Variants in ATP9A observed in about 807,000 individuals in gnomAD.
The protein encoded by ATP9A is probable phospholipid-transporting ATPase IIA.
In ATP9A, 52 loss-of-function variants were observed where a neutral mutation model predicts 144.1. That is an observed-to-expected ratio of 0.36 (90% confidence interval 0.29 to 0.45). ATP9A has a LOEUF of 0.45. Among genes scored for constraint, ATP9A ranks in the 20% least tolerant of loss-of-function variants. The pLI is 1.00. For missense variants in ATP9A, 947 were observed against 1,392.7 expected, an observed-to-expected ratio of 0.68 and a Z score of 5.09; for synonymous variants, 582 against 557.4, an observed-to-expected ratio of 1.04 and a Z score of -0.62.
At chr20:51,672,220 T>C (rs2077459235) in intron 11 of ATP9A, among the ~76,000 whole-genome samples, 1 of 152,206 alleles carries the variant, frequency 6.6e-6, no homozygotes. Flanking sequence ...TCATCCACAC[T>C]GTAAGGTGCA....
Position 51,611,929 on chromosome 20 carries a change from C to T in ATP9A, c.2571+1748G>A, listed in dbSNP as rs1029785955. 4.6e-5 allele frequency among the ~76,000 whole-genome samples: 7 copies of T among 152,164 alleles called. No homozygotes were observed. The highest frequency in any genetic ancestry group is 7.2e-5 in the African/African-American group (3 of 41,436). On this transcript the variant is annotated intron_variant, in intron 23 of 27. Coordinates refer to ENST00000338821, the MANE Select transcript of ATP9A (RefSeq NM_006045.3). This position sits in a 1 kb window ranked among gnomAD's most constrained non-coding sequence, Gnocchi z 4.2. ...AAAAAACTGGGGTGTAGCCAGTGGA[C>T]GGAAAATTCTCATGTACCCAAAGCA...
chr20:51,749,504 T>C (rs1360161525), intron 1 of ATP9A, among the ~76,000 whole-genome samples: 2 of 152,162 alleles, frequency 1.3e-5, no homozygotes, highest in Non-Finnish European at 2.9e-5. Context: ...CCCCAGGTGA[T>C]CCACCCACCT....
chr20:51,756,155 A>G (rs2077854911), intron 1 of ATP9A, among the ~76,000 whole-genome samples: 1 of 152,194 alleles, frequency 6.6e-6, no homozygotes, highest in South Asian at 2.1e-4. Flanking sequence ...ACAGTCCTGG[A>G]GGCCAGAAAT....
intron 13 of ATP9A, among the ~76,000 whole-genome samples, chr20:51,659,289 T>A (rs1266207068): frequency 6.6e-6 from 1 of 152,234 alleles, no homozygotes; most frequent in Non-Finnish European, 1.5e-5. Flanking sequence ...CCTATTTACC[T>A]GACGGTTCCC....
intron 14 of ATP9A, among the ~76,000 whole-genome samples, chr20:51,651,557 A>C (rs1306443585): frequency 1.3e-5 from 2 of 151,870 alleles, no homozygotes; most frequent in Non-Finnish European, 2.9e-5. Context: ...GGCAAGAATC[A>C]CAGGTTATTT....
intron 18 of ATP9A, among the ~76,000 whole-genome samples, chr20:51,623,054 G>A (rs2077233284): frequency 6.6e-6 from 1 of 152,184 alleles, no homozygotes; most frequent in African/African-American, 2.4e-5. Flanking sequence ...GGTCACAGAA[G>A]AAGTAAAGGG....
In ATP9A at chr20:51,618,642, A is replaced by G. The variant is rs1190428516; in HGVS notation, c.2350+20T>C. On this transcript the variant is annotated intron_variant, in intron 21 of 27. Transcript: ENST00000338821. ...GCACCGGCAGGCCAGGGCCAGCAGCACAGCCTGAGCCTCGCCTACCTACTG... is the reference window on the plus strand; with the variant it reads ...GCACCGGCAGGCCAGGGCCAGCAGCGCAGCCTGAGCCTCGCCTACCTACTG... The G allele has an allele frequency of 2.5e-6, 4 of 1,604,080 alleles. No individual in the cohort carries two copies. The highest frequency in any genetic ancestry group is 1.1e-5 in the South Asian group (1 of 90,656).
intron 19 of ATP9A, among the ~76,000 whole-genome samples, chr20:51,619,538 T>C (rs966944506): frequency 5.5e-5 from 6 of 108,338 alleles, no homozygotes; most frequent in Non-Finnish European, 1.1e-4. Flanking sequence ...ACTGGCAGTA[T>C]GGGCAACAGA....
At chr20:51,630,348 G>A (rs2077265330) in intron 15 of ATP9A, among the ~76,000 whole-genome samples, 1 of 152,220 alleles carries the variant, frequency 6.6e-6, no homozygotes, top group Non-Finnish European at 1.5e-5. Flanking sequence ...TGCTACTCCA[G>A]GAAGCCCAGA....
Position 51,670,971 on chromosome 20 carries a change from G to C in ATP9A, c.1180+144C>G, listed in dbSNP as rs762859601. 47 of 968,176 alleles carry C rather than the reference G, an allele frequency of 4.9e-5. No individual in the cohort carries two copies. In the African/African-American group the frequency reaches 6.2e-4, roughly 13 times the overall value. 60.0% of individuals were successfully genotyped at this position (968,176 alleles called of 1,614,324 possible). On this transcript the variant is annotated intron_variant, in intron 12 of 27. Coordinates refer to ENST00000338821, the MANE Select transcript of ATP9A (RefSeq NM_006045.3). ...TGTTATCATCATCTTCATCACCAAAGAATCTTCATCAAAAGATGAAGGGAA... is the reference window on the plus strand; with the variant it reads ...TGTTATCATCATCTTCATCACCAAACAATCTTCATCAAAAGATGAAGGGAA...
At chr20:51,676,573 G>A (rs1259156426) in intron 9 of ATP9A, among the ~76,000 whole-genome samples, 1 of 152,116 alleles carries the variant, frequency 6.6e-6, no homozygotes, top group African/African-American at 2.4e-5. Flanking sequence ...CTACCTCCTG[G>A]GTTCAAGCAA....
At chr20:51,638,133 TC>T (rs1209722070) in intron 15 of ATP9A, among the ~76,000 whole-genome samples, 2 of 107,302 alleles carry the variant, frequency 1.9e-5, no homozygotes, top group African/African-American at 7.1e-5. Flanking sequence ...ATCTCATAGT[TC>T]CTTTATCCAC....
At chr20:51,717,771 T>C (rs908735075) in intron 3 of ATP9A, among the ~76,000 whole-genome samples, 13 of 152,180 alleles carry the variant, frequency 8.5e-5, no homozygotes, top group African/African-American at 2.6e-4. Context: ...CTGGCCAGCA[T>C]GGTGAAACCC....
At chr20:51,622,953 G>A (rs778278633) in intron 18 of ATP9A, among the ~76,000 whole-genome samples, 1 of 152,160 alleles carries the variant, frequency 6.6e-6, no homozygotes, top group Non-Finnish European at 1.5e-5. Flanking sequence ...TCCACTACGT[G>A]CCCAGCACCC....
chr20:51,675,422 C>T (rs940360055), intron 10 of ATP9A, among the ~76,000 whole-genome samples: 3 of 152,122 alleles, frequency 2.0e-5, no homozygotes, highest in East Asian at 1.9e-4. Context: ...GGGCCTGCCC[C>T]GTCCTCACTG....
At chr20:51,720,876 T>G (rs1412427636) in intron 3 of ATP9A, among the ~76,000 whole-genome samples, 3 of 151,978 alleles carry the variant, frequency 2.0e-5, no homozygotes, top group Non-Finnish European at 4.4e-5. Context: ...GATCACAATA[T>G]CAGTGCTTAA....
chr20:51,613,884 A>G (rs1375109438), intron 22 of ATP9A, 52 bp from the exon 23 acceptor site: 1 of 1,514,614 alleles, frequency 6.6e-7, no homozygotes, highest in East Asian at 2.4e-5. Flanking sequence ...GTCAGGGCAA[A>G]CACATTTTCT....
At chr20:51,730,041 C>T (rs2077733812) in intron 1 of ATP9A, 63 bp from the exon 2 acceptor site, 3 of 1,392,210 alleles carry the variant, frequency 2.2e-6, no homozygotes, top group South Asian at 3.7e-5. Context: ...CTCATGTCTG[C>T]CCACTCTTCG....
intron 9 of ATP9A, among the ~76,000 whole-genome samples, chr20:51,683,755 C>T (rs942390962): frequency 1.3e-5 from 2 of 152,156 alleles, no homozygotes; most frequent in South Asian, 4.1e-4. Context: ...TGCTTGTTCA[C>T]ACGGGGCCAG....
Sources: gnomAD v4.1 joint callset for allele counts (sites outside exome capture counted in the v4.1 genomes callset) on GRCh38, gnomAD v4.1.1 for gene constraint, Gnocchi (gnomAD v3.1) non-coding constraint, MANE v1.5 for transcripts, NCBI Gene and HGNC (gene_info 2026-07-23, HGNC 2026-07-21) for gene names.